The following MYOF variants were observed in gnomAD, a reference collection of about 807,000 sequenced individuals.
MYOF encodes the protein myoferlin.
MYOF carries 244 observed loss-of-function variants against 284.2 expected under a neutral mutation model. That is an observed-to-expected ratio of 0.86 (90% CI 0.77 to 0.95). The LOEUF is 0.95. Ranked by LOEUF, MYOF falls within the 40% of genes least tolerant of loss-of-function variation. The pLI is 0.00. For synonymous variants in MYOF, 904 were observed against 919.7 expected, an observed-to-expected ratio of 0.98 and a Z score of 0.31; for missense variants, 2,496 against 2,560.6, an observed-to-expected ratio of 0.97 and a Z score of 0.54.
intron 5 of MYOF, among the ~76,000 whole-genome samples, chr10:93,418,662 A>C (rs1848235900): frequency 6.6e-6 from 1 of 152,190 alleles, no homozygotes; most frequent in African/African-American, 2.4e-5. Flanking sequence ...AGCGTTTCTC[A>C]AAGTGAACTC....
rs1844047882 is a variant in MYOF at position 93,343,900 on chromosome 10, T to C, written c.4282A>G (p.Ile1428Val). 1.2e-6 allele frequency: 2 copies of C among 1,614,190 alleles called. No individual in the cohort carries two copies. Among genetic ancestry groups the C allele is most frequent in the Non-Finnish European group, 1.7e-6 (2 of 1,180,014 alleles). The change falls in exon 38 of 54, where the codon ATC (isoleucine) becomes GTC (valine). Residue 1428 changes from isoleucine (I) to valine (V), a missense_variant. By Grantham distance (29) the Ile-to-Val change is conservative. Around this residue, in one of 3 missense-constraint regions of MYOF, gnomAD observed 2,436 missense variants for 2,480.7 expected, o/e 0.98. Coordinates refer to ENST00000359263, the MANE Select transcript of MYOF (RefSeq NM_013451.4). ...SLLSAPPCRD[I>V]VIEMEDTKPL... ...TTGGTGTCTTCCATTTCGATAACGA[T>C]GTCCCGGCATGGTGGGGCAGACAGA...
In MYOF at chr10:93,349,838, G is replaced by C; in HGVS notation, c.4053C>G (p.Asn1351Lys). 6.2e-7 allele frequency: 1 copy of C among 1,614,096 alleles called. No individual in the cohort carries two copies. The highest frequency in any genetic ancestry group is 8.5e-7 in the Non-Finnish European group (1 of 1,180,010). Residue 1351 changes from asparagine (N) to lysine (K), a missense_variant, in exon 36 of 54, where the codon AAC becomes AAG. Asn to Lys is a moderately conservative substitution (Grantham distance 94). This residue lies in a region of MYOF where 2,436 missense variants were observed against 2,480.7 expected (regional missense o/e 0.98). Transcript: ENST00000359263. ...VVIKNLKKTP[N>K]FPSSVLFMKV... ...TCATGAAGAGAACAGAACTTGGAAA[G>C]TTGGGTGTCTTCTTAAGGTTTTTGA...
chr10:93,403,905 A>C, intron 9 of MYOF, 118 bp downstream of exon 9: 1 of 1,075,544 alleles, frequency 9.3e-7, no homozygotes, highest in Non-Finnish European at 1.4e-6. Flanking sequence ...AAGTGTCATC[A>C]TGCTGAACCC....
intron 1 of MYOF, among the ~76,000 whole-genome samples, chr10:93,457,977 C>G (rs893678722): frequency 6.6e-6 from 1 of 151,486 alleles, no homozygotes; most frequent in Non-Finnish European, 1.5e-5. Flanking sequence ...CCCCTGAGCT[C>G]AAGTGATCCA....
intron 22 of MYOF, among the ~76,000 whole-genome samples, chr10:93,376,514 C>T (rs1397236019): frequency 2.0e-5 from 3 of 151,968 alleles, no homozygotes; most frequent in Non-Finnish European, 4.4e-5. Flanking sequence ...TAAACAAGCA[C>T]CCCAGCAGTA....
In MYOF at chr10:93,399,559, A is replaced by T. The variant is rs993538289; in HGVS notation, c.1118-64T>A. 57 of 1,188,402 alleles carry T rather than the reference A, an allele frequency of 4.8e-5. No homozygotes were observed. In the African/African-American group the frequency reaches 7.4e-4, roughly 15 times the overall value. The allele number at this position is 1,188,402 out of a possible 1,614,324, so 73.6% of individuals were successfully genotyped here. Reference sequence around the variant, plus strand: ...TTCCCAGAAATTTGGCAAAATTTTAAAAGTTCTCTTATACATCAAAATAGT... The same window carrying T: ...TTCCCAGAAATTTGGCAAAATTTTATAAGTTCTCTTATACATCAAAATAGT... On this transcript the variant is annotated intron_variant, in intron 12 of 53. Coordinates refer to ENST00000359263, the MANE Select transcript of MYOF (RefSeq NM_013451.4).
At chr10:93,361,591 G>T in intron 27 of MYOF, 34 bp from the exon 28 acceptor site, 4 of 1,607,576 alleles carry the variant, frequency 2.5e-6, no homozygotes, top group Non-Finnish European at 3.4e-6. Context: ...AAGAAGAGAG[G>T]TAAGCCATAG....
intron 2 of MYOF, 51 bp from the exon 3 acceptor site, chr10:93,452,192 G>T: frequency 8.1e-7 from 1 of 1,234,786 alleles, no homozygotes; most frequent in South Asian, 1.3e-5. Context: ...CTGTTAGAAG[G>T]AGCAGAGATT....
chr10:93,459,547 A>G (rs988562114), intron 1 of MYOF, among the ~76,000 whole-genome samples: 4 of 152,138 alleles, frequency 2.6e-5, no homozygotes, highest in African/African-American at 9.7e-5. Flanking sequence ...TTTGAACTAC[A>G]TCCCTCTGGC....
chr10:93,426,374 C>T (rs2134193617), intron 4 of MYOF, among the ~76,000 whole-genome samples: 1 of 152,244 alleles, frequency 6.6e-6, no homozygotes, highest in South Asian at 2.1e-4. Context: ...CTCCCTGTCA[C>T]AGGTTGCCAA....
chr10:93,452,089 C>T lies in MYOF; in HGVS notation c.197G>A (p.Gly66Glu). The change falls in exon 3 of 54, where the codon GGG becomes GAG. Residue 66 changes from glycine to glutamate, a missense_variant. Gly to Glu is a moderately conservative substitution (Grantham distance 98). This residue lies in a region of MYOF where 3 missense variants were observed against 17.5 expected (regional missense o/e 0.17). Transcript: ENST00000359263. ...GIPLDFSSSL[G>E]IIVKDFETIG... ...TGTCTCAAAATCTTTCACAATAATC[C>T]CAAGGGAAGATGAAAAGTCCAGTGG... The T allele has an allele frequency of 1.2e-6, 2 of 1,612,510 alleles. No homozygotes were observed. The highest frequency in any genetic ancestry group is 2.2e-5 in the South Asian group (2 of 90,826).
chr10:93,402,828 G>A lies in MYOF; in HGVS notation c.874+32C>T, dbSNP rs201834409. 2.5e-6 allele frequency: 4 copies of A among 1,577,798 alleles called. No individual in the cohort carries two copies. The African/African-American group carries it at 5.4e-5, about 21-fold the overall frequency. On this transcript the variant is annotated intron_variant, in intron 10 of 53. Transcript: ENST00000359263. Reference sequence around the variant, plus strand: ...TCAGAGTTAGAAGGAATGAATTTAAGACTTCATATTGATGGGGAGAACATT... The same window carrying A: ...TCAGAGTTAGAAGGAATGAATTTAAAACTTCATATTGATGGGGAGAACATT...
intron 1 of MYOF, among the ~76,000 whole-genome samples, chr10:93,476,474 C>T (rs1270281834): frequency 6.6e-6 from 1 of 151,392 alleles, no homozygotes; most frequent in African/African-American, 2.4e-5. Flanking sequence ...AAGTTACTTC[C>T]CCATTCTTAA....
chr10:93,314,822 G>A (rs1842546061), intron 50 of MYOF, among the ~76,000 whole-genome samples: 1 of 152,156 alleles, frequency 6.6e-6, no homozygotes, highest in Non-Finnish European at 1.5e-5. Context: ...GCCGAGGTGG[G>A]CAGATTACTT....
intron 17 of MYOF, among the ~76,000 whole-genome samples, chr10:93,391,548 T>C (rs1354874195): frequency 6.6e-6 from 1 of 151,512 alleles, no homozygotes; most frequent in East Asian, 1.9e-4. Flanking sequence ...CGAACCAAGA[T>C]CATGCCATTG....
chr10:93,400,844 G>T (rs1338313557), intron 12 of MYOF, among the ~76,000 whole-genome samples: 1 of 142,548 alleles, frequency 7.0e-6, no homozygotes, highest in African/African-American at 2.6e-5. Context: ...ACTACCCTTT[G>T]CTCAGCATGT....
At chr10:93,422,945 A>G (rs1848418827) in intron 5 of MYOF, among the ~76,000 whole-genome samples, 2 of 152,144 alleles carry the variant, frequency 1.3e-5, no homozygotes, top group African/African-American at 4.8e-5. Flanking sequence ...AGAAGGGGTA[A>G]CACAAGAGGA....
intron 36 of MYOF, 34 bp downstream of exon 36, chr10:93,349,774 G>C: frequency 6.2e-7 from 1 of 1,609,604 alleles, no homozygotes; most frequent in South Asian, 1.1e-5. Context: ...ATATTTCAAC[G>C]CGCATGGGTG....
chr10:93,353,992 T>C, intron 31 of MYOF, 104 bp from the exon 32 acceptor site: 1 of 855,992 alleles, frequency 1.2e-6, no homozygotes, highest in Non-Finnish European at 1.8e-6. Context: ...AATGGGTCAC[T>C]TGAATCTATT....
Sources: gnomAD v4.1 joint callset for allele counts (sites outside exome capture counted in the v4.1 genomes callset) on GRCh38, gnomAD v4.1.1 for gene constraint, gnomAD v4.1.1 regional missense constraint, MANE v1.5 for transcripts, NCBI Gene and HGNC (gene_info 2026-07-23, HGNC 2026-07-21) for gene names.